The following WNT11 variants were observed in gnomAD, a reference collection of about 807,000 sequenced individuals.
The protein encoded by WNT11 is protein Wnt-11.
In WNT11, 20 loss-of-function variants were observed where a neutral mutation model predicts 35.6. That is an observed-to-expected ratio of 0.56 (90% confidence interval 0.40 to 0.82). The LOEUF is 0.82. Among genes scored for constraint, WNT11 ranks in the 40% least tolerant of loss-of-function variants. The pLI is 0.00. For missense variants in WNT11, 459 were observed against 504.4 expected, an observed-to-expected ratio of 0.91 and a Z score of 0.86; for synonymous variants, 200 against 211.9, an observed-to-expected ratio of 0.94 and a Z score of 0.49.
intron 1 of WNT11, among the ~76,000 whole-genome samples, chr11:76,201,607 A>G (rs1953379956): frequency 6.6e-6 from 1 of 152,148 alleles, no homozygotes; most frequent in Admixed American, 6.5e-5. Context: ...GCCCGAGCTC[A>G]GGGCCCTACC....
rs116963464 is a variant in WNT11 at position 76,201,052 on chromosome 11, T to C, written c.84-4334A>G. Among the ~76,000 whole-genome samples, 133 of 152,314 alleles carry C rather than the reference T, an allele frequency of 8.7e-4. 3 individuals carry two copies. In the East Asian group the frequency reaches 0.018, roughly 21 times the overall value. On this transcript the variant is annotated intron_variant, in intron 1 of 4. Coordinates refer to ENST00000322563, the MANE Select transcript of WNT11 (RefSeq NM_004626.3). Reference sequence around the variant, plus strand: ...TGGTGCTCCTGGTGCCTGGGTCTCCTAGGCTGGGACCCTGGGGTGAGCCCT... The same window carrying C: ...TGGTGCTCCTGGTGCCTGGGTCTCCCAGGCTGGGACCCTGGGGTGAGCCCT...
intron 2 of WNT11, among the ~76,000 whole-genome samples, chr11:76,195,478 C>T (rs548082057): frequency 3.3e-5 from 5 of 152,340 alleles, no homozygotes; most frequent in Admixed American, 2.0e-4. Flanking sequence ...GATGGCGGGC[C>T]GCCACCAGGA....
At chr11:76,197,833 C>G (rs1416924258) in intron 1 of WNT11, among the ~76,000 whole-genome samples, 1 of 152,094 alleles carries the variant, frequency 6.6e-6, no homozygotes, top group African/African-American at 2.4e-5. Flanking sequence ...CTGAGGGCAG[C>G]CTGCATCGGC....
intron 1 of WNT11, among the ~76,000 whole-genome samples, chr11:76,199,312 C>T (rs187296400): frequency 7.2e-5 from 11 of 151,944 alleles, no homozygotes; most frequent in Admixed American, 3.3e-4. Flanking sequence ...TAGTGAGAGC[C>T]GTCTCTACCA....
rs200651675 is a variant in WNT11 at position 76,187,024 on chromosome 11, G to A, written c.*41C>T. The A allele has an allele frequency of 2.6e-5, 41 of 1,603,618 alleles. No individual in the cohort carries two copies. The highest frequency in any genetic ancestry group is 3.1e-5 in the Non-Finnish European group (37 of 1,179,604). On this transcript the variant is annotated 3_prime_UTR_variant, in exon 5 of 5. Transcript: ENST00000322563. ...CTGGCCCCAGTTGCTGAGGGTCCTT[G>A]AGCAGAGTCCTCGCTCCTGCGTGGG... is the stretch of plus-strand genomic sequence containing the variant.
intron 1 of WNT11, among the ~76,000 whole-genome samples, chr11:76,199,128 G>A (rs1272153652): frequency 1.3e-5 from 2 of 151,750 alleles, no homozygotes; most frequent in African/African-American, 2.4e-5. Flanking sequence ...ACGAGACTCT[G>A]TCTCAAAAAA....
intron 3 of WNT11, among the ~76,000 whole-genome samples, chr11:76,193,553 T>C (rs1953221147): frequency 6.6e-6 from 1 of 152,234 alleles, no homozygotes; most frequent in Non-Finnish European, 1.5e-5. Context: ...GGCTCTGCTA[T>C]AGACCCACAG....
At position 76,194,542 on chromosome 11, in the gene WNT11, G is replaced by A. The variant is rs1241862691; in HGVS notation, c.597+25C>T. The A allele has an allele frequency of 2.6e-6, 4 of 1,531,720 alleles. No homozygotes were observed. Among genetic ancestry groups the A allele is most frequent in the East Asian group, 4.9e-5 (2 of 40,622 alleles). The allele number at this position is 1,531,720 out of a possible 1,614,324, so 94.9% of individuals were successfully genotyped here. On this transcript the variant is annotated intron_variant, in intron 3 of 4. Transcript: ENST00000322563. This position sits in a 1 kb window ranked among gnomAD's most constrained non-coding sequence, Gnocchi z 5.4. Reference sequence around the variant, plus strand: ...GCCAATGGCACAAGCACAACTATCTGGGGGTGGGTGGGGTGGGTGGTTACC... The same window carrying A: ...GCCAATGGCACAAGCACAACTATCTAGGGGTGGGTGGGGTGGGTGGTTACC...
upstream of WNT11, among the ~76,000 whole-genome samples, chr11:76,207,124 G>A (rs1236563968): frequency 1.3e-5 from 2 of 152,210 alleles, no homozygotes; most frequent in African/African-American, 2.4e-5. Context: ...CACTTTGGGA[G>A]GTCGAGGCGG....
chr11:76,198,834 T>C (rs1473286204), intron 1 of WNT11, among the ~76,000 whole-genome samples: 2 of 152,100 alleles, frequency 1.3e-5, no homozygotes, highest in Non-Finnish European at 2.9e-5. Flanking sequence ...CCTCATCTGT[T>C]ACAAAGAAAT....
chr11:76,204,535 G>A (rs1350587910), intron 1 of WNT11, among the ~76,000 whole-genome samples: 1 of 152,172 alleles, frequency 6.6e-6, no homozygotes, highest in African/African-American at 2.4e-5. Context: ...ATCTCCCTTA[G>A]ATAGAACTGA....
chr11:76,196,283 T>C (rs1953284563), intron 2 of WNT11, among the ~76,000 whole-genome samples, 200 bp downstream of exon 2: 1 of 152,230 alleles, frequency 6.6e-6, no homozygotes, highest in South Asian at 2.1e-4. Context: ...CGTTTGTGAA[T>C]TCATGCCTGC....
intron 3 of WNT11, among the ~76,000 whole-genome samples, chr11:76,192,668 T>C (rs894697568): frequency 1.3e-5 from 2 of 152,262 alleles, no homozygotes. Context: ...TGGAGCCCCC[T>C]TGGGCTCAGA....
At chr11:76,197,326 G>A (rs1953304472) in intron 1 of WNT11, among the ~76,000 whole-genome samples, 1 of 152,220 alleles carries the variant, frequency 6.6e-6, no homozygotes, top group Non-Finnish European at 1.5e-5. Context: ...GTTTTGTGAT[G>A]ACCTGGAACT....
chr11:76,193,180 G>A (rs1490814790), intron 3 of WNT11, among the ~76,000 whole-genome samples: 2 of 152,254 alleles, frequency 1.3e-5, no homozygotes, highest in African/African-American at 2.4e-5. Context: ...AGCATAAGCT[G>A]GGGAAAGGGG....
intron 1 of WNT11, among the ~76,000 whole-genome samples, chr11:76,199,403 T>G (rs1056879063): frequency 4.0e-5 from 6 of 151,724 alleles, no homozygotes; most frequent in Admixed American, 1.3e-4. Flanking sequence ...GCCCGGGGGT[T>G]TGAGGTTACA....
Position 76,194,476 on chromosome 11 carries a change from GCACCCCCCA to G in WNT11, c.597+82_597+90del. The stretch of plus-strand genomic sequence containing the variant: ...TGGGCCAGTCAGGGCCCGTCCCCCC[GCACCCCCCA>G]CCACTGGGGCAAGCTGGGTGGCCCT... On this transcript the variant is annotated intron_variant, in intron 3 of 4. Coordinates refer to ENST00000322563, the MANE Select transcript of WNT11 (RefSeq NM_004626.3). This position sits in a 1 kb window ranked among gnomAD's most constrained non-coding sequence, Gnocchi z 5.4. 1 of 1,421,750 alleles carries G rather than the reference GCACCCCCCA, an allele frequency of 7.0e-7. No homozygotes were observed. 88.1% of individuals were successfully genotyped at this position (1,421,750 alleles called of 1,614,324 possible).
rs1319191485 is a variant in WNT11, at chr11:76,187,048, G to A, written c.*17C>T. The A allele has an allele frequency of 1.9e-6, 3 of 1,607,464 alleles. No individual in the cohort carries two copies. The African/African-American group carries it at 4.0e-5, about 21-fold the overall frequency. ...TGAGCAGAGTCCTCGCTCCTGCGTG[G>A]GGCGGAGGGCAGGGCCTCACTTGCA... On this transcript the variant is annotated 3_prime_UTR_variant, in exon 5 of 5. Coordinates refer to ENST00000322563, the MANE Select transcript of WNT11 (RefSeq NM_004626.3).
rs1303286988 is a variant in WNT11, at chr11:76,194,892, C to A, written c.320-48G>T. On this transcript the variant is annotated intron_variant, in intron 2 of 4. Coordinates refer to ENST00000322563, the MANE Select transcript of WNT11 (RefSeq NM_004626.3). This position sits in a 1 kb window ranked among gnomAD's most constrained non-coding sequence, Gnocchi z 5.4. ...AGCCGACGCTGATCCAGGGCTAGGA[C>A]CCTGCCCAGGTCAGAGGTCCTCCAC... 1.4e-5 allele frequency: 20 copies of A among 1,449,200 alleles called. No individual in the cohort carries two copies. In the South Asian group the frequency reaches 2.6e-4, roughly 19 times the overall value. The allele number at this position is 1,449,200 out of a possible 1,614,324, so 89.8% of individuals were successfully genotyped here. A position where few individuals can be genotyped will look rare whatever the true frequency, so the allele number is the denominator to read the frequency against.
Sources: gnomAD v4.1 joint callset for allele counts (sites outside exome capture counted in the v4.1 genomes callset) on GRCh38, gnomAD v4.1.1 for gene constraint, Gnocchi (gnomAD v3.1) non-coding constraint, MANE v1.5 for transcripts, NCBI Gene and HGNC (gene_info 2026-07-23, HGNC 2026-07-21) for gene names.